AK7: variants seen among roughly 807,000 people sequenced by gnomAD.
AK7 encodes adenylate kinase 7.
A neutral mutation model predicts 96.6 loss-of-function variants in AK7; 78 were observed. The ratio of observed to expected loss-of-function variants is 0.81; its 90% CI spans 0.67 to 0.97. The LOEUF is 0.97. Ranked by LOEUF, AK7 falls within the 50% of genes least tolerant of loss-of-function variation. AK7 has a pLI of 0.00. For synonymous variants in AK7, 302 were observed against 317.2 expected (o/e 0.95, Z 0.51); for missense variants, 855 against 887.9 (o/e 0.96, Z 0.47).
At position 96,458,586 on chromosome 14, in the gene AK7, C is replaced by CA. The variant is rs1423737620; in HGVS notation, c.1357+380dup. Among the ~76,000 whole-genome samples, 6 of 151,796 alleles carry CA rather than the reference C, an allele frequency of 4.0e-5. No individual in the cohort carries two copies. In the South Asian group the frequency reaches 1.3e-3, roughly 32 times the overall value. ...GTGAACCCCATCTCTACTAAAAATA[C>CA]AAAAAATTAGCCAGATGTGGTGCCG... is the stretch of plus-strand genomic sequence containing the variant. On this transcript the variant is annotated intron_variant, in intron 12 of 17. Coordinates refer to ENST00000267584, the MANE Select transcript of AK7 (RefSeq NM_152327.5).
At chr14:96,425,960 A>G (rs2140054614) in intron 5 of AK7, among the ~76,000 whole-genome samples, 1 of 152,078 alleles carries the variant, frequency 6.6e-6, no homozygotes, top group Non-Finnish European at 1.5e-5. Context: ...TTTTTTCATC[A>G]ATTCAGCCAG....
At chr14:96,411,339 A>G (rs1259272603) in intron 4 of AK7, among the ~76,000 whole-genome samples, 1 of 151,978 alleles carries the variant, frequency 6.6e-6, no homozygotes, top group Non-Finnish European at 1.5e-5. Flanking sequence ...GTGAAACCCC[A>G]TCTCTACCAA....
intron 7 of AK7, among the ~76,000 whole-genome samples, chr14:96,443,842 C>T (rs1214740543): frequency 6.7e-6 from 1 of 149,148 alleles, no homozygotes; most frequent in African/African-American, 2.5e-5. Flanking sequence ...GGCACAATCT[C>T]GGTTCACCGC....
At chr14:96,452,325 C>CT (rs548934217) in intron 10 of AK7, among the ~76,000 whole-genome samples, 7,790 of 144,906 alleles carry the variant, frequency 0.054, 350 homozygotes, top group African/African-American at 0.13. Flanking sequence ...ATGAAGCAAC[C>CT]TTTTTTTTTT....
chr14:96,401,248 C>T (rs1890392078), intron 2 of AK7, among the ~76,000 whole-genome samples: 1 of 152,210 alleles, frequency 6.6e-6, no homozygotes, highest in Non-Finnish European at 1.5e-5. Flanking sequence ...CACAGAGCAT[C>T]ACCCAAGGCT....
chr14:96,487,523 G>C (rs1454831548), intron 17 of AK7, among the ~76,000 whole-genome samples: 2 of 143,972 alleles, frequency 1.4e-5, no homozygotes, highest in African/African-American at 5.2e-5. Context: ...TCCACCTCCC[G>C]GTTCAAGTGA....
chr14:96,415,020 A>G (rs1891249318), intron 4 of AK7, among the ~76,000 whole-genome samples: 1 of 152,116 alleles, frequency 6.6e-6, no homozygotes, highest in South Asian at 2.1e-4. Flanking sequence ...CTCCCAAAGT[A>G]CTGGGATTAC....
rs1893494511 is a variant in AK7 at position 96,449,941 on chromosome 14, A to G, written c.948+62A>G. On this transcript the variant is annotated intron_variant, in intron 9 of 17. Transcript: ENST00000267584. Reference sequence around the variant, plus strand: ...TTTCTCAATAATATGGAGTATTGTTATTTTTTTAATATCAGATAGGTTTTG... The same window carrying G: ...TTTCTCAATAATATGGAGTATTGTTGTTTTTTTAATATCAGATAGGTTTTG... 5 of 1,250,914 alleles carry G rather than the reference A, an allele frequency of 4.0e-6. No individual in the cohort carries two copies. In the South Asian group the frequency reaches 6.9e-5, roughly 17 times the overall value. The allele number at this position is 1,250,914 out of a possible 1,614,324, so 77.5% of individuals were successfully genotyped here.
chr14:96,464,544 C>CA (rs375649324), intron 12 of AK7, among the ~76,000 whole-genome samples: 21,327 of 57,490 alleles, frequency 0.37, 3,531 homozygotes, highest in South Asian at 0.44. Context: ...GACCCTGTCC[C>CA]AAAAAAAAAA....
At chr14:96,425,917 GT>G (rs1318614382) in intron 5 of AK7, among the ~76,000 whole-genome samples, 1 of 152,074 alleles carries the variant, frequency 6.6e-6, no homozygotes, top group Non-Finnish European at 1.5e-5. Context: ...GGTAGAGTGT[GT>G]TTCTTGTAGG....
chr14:96,471,771 T>C (rs72706830), intron 13 of AK7, among the ~76,000 whole-genome samples, 165 bp downstream of exon 13: 7,638 of 152,090 alleles, frequency 0.05, 254 homozygotes, highest in Non-Finnish European at 0.076. Flanking sequence ...TCTTTTTTTT[T>C]CCCCCTGGAT....
At chr14:96,442,407 G>A (rs558036076) in intron 6 of AK7, among the ~76,000 whole-genome samples, 34 of 152,266 alleles carry the variant, frequency 2.2e-4, no homozygotes, top group African/African-American at 7.9e-4. Context: ...TACTAAATAC[G>A]GCTGAGAGGT....
chr14:96,482,944 T>C, intron 15 of AK7, 55 bp from the exon 16 acceptor site: 1 of 1,559,542 alleles, frequency 6.4e-7, no homozygotes, highest in Non-Finnish European at 8.8e-7. Flanking sequence ...ATTTTCCCAA[T>C]TGCAGGCAGG....
At chr14:96,446,978 TA>T (rs1336256506) in intron 8 of AK7, among the ~76,000 whole-genome samples, 1 of 152,040 alleles carries the variant, frequency 6.6e-6, no homozygotes, top group Non-Finnish European at 1.5e-5. Context: ...AAAAATAAAT[TA>T]AAAAGTTTTG....
intron 3 of AK7, among the ~76,000 whole-genome samples, chr14:96,407,785 G>A (rs1000944298): frequency 6.6e-6 from 1 of 151,822 alleles, no homozygotes; most frequent in Non-Finnish European, 1.5e-5. Context: ...GTTTCACTGT[G>A]TTAGCCAGGA....
intron 1 of AK7, among the ~76,000 whole-genome samples, chr14:96,394,780 A>G (rs1889965996): frequency 6.6e-6 from 1 of 152,240 alleles, no homozygotes; most frequent in African/African-American, 2.4e-5. Flanking sequence ...GTTCGAGACT[A>G]GCCTGGCCAA....
At chr14:96,471,753 T>G (rs1894904214) in intron 13 of AK7, 147 bp downstream of exon 13, 1 of 613,802 alleles carries the variant, frequency 1.6e-6, no homozygotes, top group Non-Finnish European at 2.4e-6. Flanking sequence ...TTACGTAGCT[T>G]TTTTTTTTCT....
rs560389478 is a variant in AK7 at position 96,488,534 on chromosome 14, T to G, written c.*191T>G. 1,191 of 510,474 alleles carry G rather than the reference T, an allele frequency of 2.3e-3. 2 individuals carry two copies. Among genetic ancestry groups the G allele is most frequent in the Non-Finnish European group, 3.1e-3 (899 of 285,510 alleles). The allele number at this position is 510,474 out of a possible 1,614,324, so 31.6% of individuals were successfully genotyped here. A position where few individuals can be genotyped will look rare whatever the true frequency, so the allele number is the denominator to read the frequency against. ...TGTCATTAAAACTATATTTGAAATGTAAATTGATAAAGACATTTGTGCATA... is the reference window on the plus strand; with the variant it reads ...TGTCATTAAAACTATATTTGAAATGGAAATTGATAAAGACATTTGTGCATA... On this transcript the variant is annotated 3_prime_UTR_variant, in exon 18 of 18. Transcript: ENST00000267584.
chr14:96,437,201 TAA>T (rs2140082049), intron 5 of AK7, among the ~76,000 whole-genome samples: 1 of 152,176 alleles, frequency 6.6e-6, no homozygotes, highest in South Asian at 2.1e-4. Flanking sequence ...TTAAATAACT[TAA>T]AGAGTATAAT....
Sources: allele counts gnomAD v4.1 joint callset (sites outside exome capture counted in the v4.1 genomes callset), GRCh38; gene constraint gnomAD v4.1.1; transcripts MANE v1.5; gene names NCBI Gene and HGNC (gene_info 2026-07-23, HGNC 2026-07-21).